Variants in CAMK2D observed in about 807,000 individuals in gnomAD.
CAMK2D encodes calcium/calmodulin dependent protein kinase II delta.
A neutral mutation model predicts 84.0 loss-of-function variants in CAMK2D; 37 were observed. That is an observed-to-expected ratio of 0.44 (90% CI 0.34 to 0.58). The LOEUF is 0.58. Ranked by LOEUF, CAMK2D falls within the 20% of genes least tolerant of loss-of-function variation. CAMK2D has a pLI of 0.02. For synonymous variants in CAMK2D, 202 were observed against 212.5 expected, an observed-to-expected ratio of 0.95 and a Z score of 0.43; for missense variants, 448 against 652.5, an observed-to-expected ratio of 0.69 and a Z score of 3.41.
rs1156645009 is a variant in CAMK2D, at chr4:113,462,294, GTCTGTCTGTCTGTCTGTCTGTCTGTC to G, written c.1212-2079_1212-2054del. Among the ~76,000 whole-genome samples, 29 of 129,328 alleles carry G rather than the reference GTCTGTCTGTCTGTCTGTCTGTCTGTC, an allele frequency of 2.2e-4. 1 individual carries two copies. The highest frequency in any genetic ancestry group is 7.0e-4 in the African/African-American group (24 of 34,208). The allele number at this position is 129,328 out of a possible 152,430, so 84.8% of individuals were successfully genotyped here. A position where few individuals can be genotyped will look rare whatever the true frequency, so the allele number is the denominator to read the frequency against. ...TGTGTGTGTGTGTGTGTGTGTGTGT[GTCTGTCTGTCTGTCTGTCTGTCTGTC>G]TGTCTGTCTGTCTGTCTGTCTATCT... On this transcript the variant is annotated intron_variant, in intron 17 of 20. Coordinates refer to ENST00000511664, the MANE Select transcript of CAMK2D (RefSeq NM_001321571.2).
intron 2 of CAMK2D, among the ~76,000 whole-genome samples, chr4:113,741,822 C>G (rs201771918): frequency 6.6e-6 from 1 of 152,306 alleles, no homozygotes; most frequent in East Asian, 1.9e-4. Context: ...GCTAATTACA[C>G]TCCAGCCACA....
intron 16 of CAMK2D, among the ~76,000 whole-genome samples, chr4:113,471,805 G>T (rs1482865612): frequency 1.3e-5 from 2 of 151,364 alleles, no homozygotes; most frequent in Non-Finnish European, 2.9e-5. Flanking sequence ...ACCCCTTTAA[G>T]GTTTCTAGTC....
intron 11 of CAMK2D, 37 bp from the exon 12 acceptor site, chr4:113,513,407 C>T (rs762936923): frequency 1.3e-5 from 17 of 1,353,200 alleles, no homozygotes; most frequent in Non-Finnish European, 1.6e-5. Flanking sequence ...TCAGTGTTGC[C>T]TATGCAAATT....
At chr4:113,724,855 A>C (rs1180870118) in intron 2 of CAMK2D, among the ~76,000 whole-genome samples, 1 of 151,986 alleles carries the variant, frequency 6.6e-6, no homozygotes, top group African/African-American at 2.4e-5. Context: ...TTTTTATAAC[A>C]GCTTCCAACA....
chr4:113,699,337 T>A (rs2154346860), intron 2 of CAMK2D, among the ~76,000 whole-genome samples: 1 of 152,288 alleles, frequency 6.6e-6, no homozygotes, highest in African/African-American at 2.4e-5. Flanking sequence ...GGCTTTACCT[T>A]TCCAGACAAT....
At chr4:113,598,664 T>A (rs1339966112) in intron 4 of CAMK2D, among the ~76,000 whole-genome samples, 6 of 152,200 alleles carry the variant, frequency 3.9e-5, no homozygotes, top group African/African-American at 1.4e-4. Context: ...ATCCAAAATA[T>A]ACAAATAACT....
intron 1 of CAMK2D, 69 bp downstream of exon 1, chr4:113,760,935 G>A (rs2099639998): frequency 7.5e-6 from 12 of 1,593,758 alleles, no homozygotes; most frequent in East Asian, 2.2e-5. Flanking sequence ...GGAGGCCGGT[G>A]GGTCGGGGGC....
chr4:113,636,737 A>C (rs1366608011), intron 3 of CAMK2D, among the ~76,000 whole-genome samples: 1 of 152,116 alleles, frequency 6.6e-6, no homozygotes, highest in Non-Finnish European at 1.5e-5. Context: ...TCACGCTATC[A>C]AGGAGGTCCC....
intron 6 of CAMK2D, among the ~76,000 whole-genome samples, chr4:113,539,872 A>C (rs546743550): frequency 1.3e-5 from 2 of 152,342 alleles, no homozygotes; most frequent in African/African-American, 2.4e-5. Context: ...TAGGATGATT[A>C]CTAAAATTTA....
At chr4:113,515,483 CTTCTA>C (rs2098272725) in intron 9 of CAMK2D, among the ~76,000 whole-genome samples, 1 of 152,078 alleles carries the variant, frequency 6.6e-6, no homozygotes, top group South Asian at 2.1e-4. Flanking sequence ...ACTTAAGAAT[CTTCTA>C]TTCTTCTCAA....
intron 3 of CAMK2D, among the ~76,000 whole-genome samples, chr4:113,626,318 A>G (rs1410727743): frequency 6.6e-6 from 1 of 152,150 alleles, no homozygotes; most frequent in Non-Finnish European, 1.5e-5. Context: ...GATGAAATCT[A>G]CTCTTGGCCT....
At chr4:113,492,548 A>T (rs1363516128) in intron 16 of CAMK2D, among the ~76,000 whole-genome samples, 2 of 151,784 alleles carry the variant, frequency 1.3e-5, no homozygotes, top group South Asian at 2.1e-4. Context: ...TGCTGAGGAG[A>T]GCTTCACTTC....
In CAMK2D at chr4:113,752,091, G is replaced by T. The variant is rs1200704122; in HGVS notation, c.160+7229C>A. ...AGAGGTTTCTCTCCTAAAAAAGTTA[G>T]GGATGGTGATTAGCTCTCGGGGAGA... is the stretch of plus-strand genomic sequence containing the variant. On this transcript the variant is annotated intron_variant, in intron 2 of 20. Transcript: ENST00000511664. Among the ~76,000 whole-genome samples the T allele has an allele frequency of 3.3e-5, 5 of 151,858 alleles. 1 individual carries two copies. Among genetic ancestry groups the T allele is most frequent in the Non-Finnish European group, 1.5e-5 (1 of 67,936 alleles).
At chr4:113,564,784 C>T (rs1402507125) in intron 4 of CAMK2D, among the ~76,000 whole-genome samples, 3 of 152,116 alleles carry the variant, frequency 2.0e-5, no homozygotes, top group East Asian at 3.8e-4. Context: ...TTTAAAACTC[C>T]TATTCTTCTA....
chr4:113,455,302 T>C (rs1411914508), intron 20 of CAMK2D, among the ~76,000 whole-genome samples: 1 of 152,158 alleles, frequency 6.6e-6, no homozygotes, highest in Non-Finnish European at 1.5e-5. Context: ...CACAGCAAAT[T>C]GATTTACACA....
rs559143387 is a variant in CAMK2D at position 113,530,826 on chromosome 4, T to A, written c.601+390A>T. On this transcript the variant is annotated intron_variant, in intron 8 of 20. Coordinates refer to ENST00000511664, the MANE Select transcript of CAMK2D (RefSeq NM_001321571.2). Reference sequence around the variant, plus strand: ...GTGGCCAGGCATGCTGGCTCACACCTGTAATCCCAGCACTTTGAGAGGCTG... The same window carrying A: ...GTGGCCAGGCATGCTGGCTCACACCAGTAATCCCAGCACTTTGAGAGGCTG... Among the ~76,000 whole-genome samples, 3 of 152,318 alleles carry A rather than the reference T, an allele frequency of 2.0e-5. No individual in the cohort carries two copies. The South Asian group carries it at 6.2e-4, about 32-fold the overall frequency.
At chr4:113,559,477 T>G (rs1027112672) in intron 4 of CAMK2D, among the ~76,000 whole-genome samples, 6 of 152,258 alleles carry the variant, frequency 3.9e-5, no homozygotes, top group African/African-American at 1.4e-4. Context: ...ATAATCACTT[T>G]TAAAAATATC....
intron 4 of CAMK2D, among the ~76,000 whole-genome samples, chr4:113,608,791 T>C (rs1435870192): frequency 6.6e-6 from 1 of 152,198 alleles, no homozygotes; most frequent in Non-Finnish European, 1.5e-5. Flanking sequence ...AGTCTTCTTT[T>C]TACTTTAAGA....
intron 2 of CAMK2D, among the ~76,000 whole-genome samples, chr4:113,745,390 C>T (rs2099601975): frequency 6.6e-6 from 1 of 152,178 alleles, no homozygotes; most frequent in African/African-American, 2.4e-5. Flanking sequence ...CTAGGCTACA[C>T]TGAATTCTCA....
Sources: gnomAD v4.1 joint callset for allele counts (sites outside exome capture counted in the v4.1 genomes callset) on GRCh38, gnomAD v4.1.1 for gene constraint, MANE v1.5 for transcripts, NCBI Gene and HGNC (gene_info 2026-07-23, HGNC 2026-07-21) for gene names.